Variants in THTPA observed in about 807,000 individuals in gnomAD.
THTPA encodes thiamine triphosphatase.
THTPA carries 16 observed loss-of-function variants against 16.5 expected under a neutral mutation model. That is an observed-to-expected ratio of 0.97 (90% CI 0.66 to 1.47). The LOEUF (loss-of-function observed/expected upper bound fraction) is 1.47, where lower values mean the gene tolerates loss of function less well. Ranked by LOEUF, THTPA falls within the 40% of genes most tolerant of loss-of-function variation. The probability of loss-of-function intolerance (pLI) is 0.00; values close to 1 mark genes in which losing one functional copy is unlikely to be tolerated. For missense variants in THTPA, 281 were observed against 280.9 expected, an observed-to-expected ratio of 1.00 and a Z score of 0.00; for synonymous variants, 110 against 115.5, an observed-to-expected ratio of 0.95 and a Z score of 0.30.
chr14:23,552,792 G>C (rs890028302), upstream of THTPA, among the ~76,000 whole-genome samples: 3 of 151,766 alleles, frequency 2.0e-5, no homozygotes, highest in Non-Finnish European at 2.9e-5. Flanking sequence ...GTAGAGACGG[G>C]GGTTTCACCA....
the THTPA span, chr14:23,525,155 C>G: frequency 1.3e-6 from 2 of 1,536,108 alleles, no homozygotes; most frequent in Non-Finnish European, 1.7e-6. This position sits in a 1 kb window ranked among gnomAD's most constrained non-coding sequence, Gnocchi z 5.9. Context: ...TCTGGAGAAC[C>G]GGCGGCCGGC....
chr14:23,523,030 G>T, the THTPA span: 5 of 1,411,610 alleles, frequency 3.5e-6, no homozygotes, highest in Non-Finnish European at 4.6e-6. This position sits in a 1 kb window ranked among gnomAD's most constrained non-coding sequence, Gnocchi z 4.1. Flanking sequence ...ACACACACCC[G>T]TTCCCAGCAC....
upstream of THTPA, chr14:23,551,559 A>G (rs969482995): frequency 6.5e-6 from 1 of 152,672 alleles, no homozygotes; most frequent in African/African-American, 2.4e-5. This position sits in a 1 kb window ranked among gnomAD's most constrained non-coding sequence, Gnocchi z 5.3. Context: ...AAGTGAAGGA[A>G]AATAATCAAT....
At chr14:23,538,908 A>G in the THTPA span, among the ~76,000 whole-genome samples, 1 of 152,142 alleles carries the variant, frequency 6.6e-6, no homozygotes, top group African/African-American at 2.4e-5. Context: ...AGACGGCAGA[A>G]AGAGTCAATA....
the THTPA span, chr14:23,523,084 T>G: frequency 2.9e-6 from 4 of 1,400,684 alleles, no homozygotes; most frequent in Non-Finnish European, 3.7e-6. The surrounding 1 kb of genome is among the most constrained non-coding windows in gnomAD (Gnocchi z 4.1). Flanking sequence ...CCCAAGAGCC[T>G]GATGCAAAGG....
the THTPA span, chr14:23,531,369 GC>G: frequency 7.7e-7 from 1 of 1,304,458 alleles, no homozygotes; most frequent in Non-Finnish European, 9.8e-7. Context: ...AGTATAGGTG[GC>G]CTACAGGCCC....
At chr14:23,523,768 C>T in the THTPA span, 78 of 1,536,084 alleles carry the variant, frequency 5.1e-5, no homozygotes, top group Non-Finnish European at 5.9e-5. The surrounding 1 kb of genome is among the most constrained non-coding windows in gnomAD (Gnocchi z 4.1). Flanking sequence ...CATCTGGAAC[C>T]CCAGTCCCAC....
At position 23,559,838 on chromosome 14, in the gene THTPA, G is replaced by T. The variant is rs764435650; in HGVS notation, c.*998G>T. 19 of 1,614,010 alleles carry T rather than the reference G, an allele frequency of 1.2e-5. No homozygotes were observed. The South Asian group carries it at 1.3e-4, about 11-fold the overall frequency. Reference sequence around the variant, plus strand: ...TGGTCGTAGGTGAGGCGCAGCTTTAGCCGCAGGGGGGCCTAGGAATAGGAG... The same window carrying T: ...TGGTCGTAGGTGAGGCGCAGCTTTATCCGCAGGGGGGCCTAGGAATAGGAG... On this transcript the variant is annotated 3_prime_UTR_variant, in exon 2 of 2. Transcript: ENST00000288014.
the THTPA span, among the ~76,000 whole-genome samples, chr14:23,538,754 G>A: frequency 6.6e-6 from 1 of 152,160 alleles, no homozygotes; most frequent in South Asian, 2.1e-4. Flanking sequence ...TGGATCTGGT[G>A]TAGGGTGGAG....
chr14:23,537,741 G>A, the THTPA span, among the ~76,000 whole-genome samples: 1 of 152,200 alleles, frequency 6.6e-6, no homozygotes, highest in South Asian at 2.1e-4. Context: ...CCCTCAAGTT[G>A]AGGGAGAAAG....
At chr14:23,524,394 C>A in the THTPA span, 1 of 1,536,210 alleles carries the variant, frequency 6.5e-7, no homozygotes, top group Non-Finnish European at 8.7e-7. This position sits in a 1 kb window ranked among gnomAD's most constrained non-coding sequence, Gnocchi z 5.6. Flanking sequence ...TCGCCCTCCC[C>A]TCCTCCCCCT....
At chr14:23,522,073 G>T in the THTPA span, 2 of 1,536,306 alleles carry the variant, frequency 1.3e-6, no homozygotes, top group Non-Finnish European at 1.7e-6. Flanking sequence ...CAGTGGCGGC[G>T]TTGGTGATGG....
the THTPA span, chr14:23,530,288 TGAA>T: frequency 4.1e-5 from 41 of 995,494 alleles, no homozygotes; most frequent in Admixed American, 4.7e-4. Flanking sequence ...AGCCAGTCAA[TGAA>T]GGAGAAAATG....
At chr14:23,529,174 C>T in the THTPA span, among the ~76,000 whole-genome samples, 1 of 152,224 alleles carries the variant, frequency 6.6e-6, no homozygotes, top group African/African-American at 2.4e-5. Context: ...ACAGAGCTGC[C>T]ATTCCTGGGT....
chr14:23,532,477 G>C, the THTPA span: 27 of 1,376,260 alleles, frequency 2.0e-5, no homozygotes, highest in African/African-American at 4.4e-5. Context: ...TGTCACCCAG[G>C]GTTTTCCTAT....
At chr14:23,517,681 C>T in the THTPA span, among the ~76,000 whole-genome samples, 1 of 152,162 alleles carries the variant, frequency 6.6e-6, no homozygotes, top group Non-Finnish European at 1.5e-5. Context: ...GGTCCTCTCC[C>T]CATCGGGTGT....
At chr14:23,551,008 C>T (rs28583761), upstream of THTPA, among the ~76,000 whole-genome samples, 2,832 of 152,066 alleles carry the variant, frequency 0.019, 84 homozygotes, top group African/African-American at 0.064. This position sits in a 1 kb window ranked among gnomAD's most constrained non-coding sequence, Gnocchi z 5.3. Flanking sequence ...CGGCGCGGTC[C>T]GTCTAGGCTT....
the THTPA span, among the ~76,000 whole-genome samples, chr14:23,519,793 A>G: frequency 3.3e-5 from 5 of 152,198 alleles, no homozygotes; most frequent in East Asian, 1.9e-4. Context: ...ACATGTTCAC[A>G]GAGTGATGTG....
the THTPA span, chr14:23,525,788 GGTGCAGGCCCAGCTA>G: frequency 6.7e-7 from 1 of 1,491,774 alleles, no homozygotes; most frequent in South Asian, 1.3e-5. This position sits in a 1 kb window ranked among gnomAD's most constrained non-coding sequence, Gnocchi z 5.9. Context: ...GGACAGCACA[GGTGCAGGCCCAGCTA>G]GTGTCAGCTT....
Sources: allele counts gnomAD v4.1 joint callset (sites outside exome capture counted in the v4.1 genomes callset), GRCh38; gene constraint gnomAD v4.1.1; non-coding constraint Gnocchi (gnomAD v3.1); transcripts MANE v1.5; gene names NCBI Gene and HGNC (gene_info 2026-07-23, HGNC 2026-07-21).